CC2D1B: variants seen among roughly 807,000 people sequenced by gnomAD.
The protein encoded by CC2D1B is coiled-coil and C2 domain containing 1B.
Under a neutral mutation model 110.8 loss-of-function variants are expected in CC2D1B, and 92 were observed. The ratio of observed to expected loss-of-function variants is 0.83; its 90% confidence interval spans 0.70 to 0.99. The LOEUF is 0.99. Among genes scored for constraint, CC2D1B ranks in the 50% least tolerant of loss-of-function variants. CC2D1B has a pLI of 0.00. For synonymous variants in CC2D1B, 406 were observed against 429.2 expected, an observed-to-expected ratio of 0.95 and a Z score of 0.67; for missense variants, 1,136 against 1,089.0, an observed-to-expected ratio of 1.04 and a Z score of -0.61.
intron 23 of CC2D1B, chr1:52,354,405 T>G: frequency 1.4e-6 from 1 of 702,358 alleles, no homozygotes; most frequent in Non-Finnish European, 2.6e-6. Flanking sequence ...GGAGGCTGCC[T>G]TCTCCTGGGT....
At chr1:52,361,943 A>G (rs1459377188) in intron 3 of CC2D1B, among the ~76,000 whole-genome samples, 3 of 152,262 alleles carry the variant, frequency 2.0e-5, no homozygotes, top group Non-Finnish European at 4.4e-5. Context: ...AGAGCTTCAA[A>G]ACAAATCTGC....
intron 20 of CC2D1B, 48 bp downstream of exon 20, chr1:52,355,560 G>A: frequency 1.2e-6 from 2 of 1,610,716 alleles, no homozygotes; most frequent in African/African-American, 1.3e-5. Flanking sequence ...ACAGGGTCCT[G>A]GAATGCAAGG....
chr1:52,356,762 T>C, intron 16 of CC2D1B: 1 of 598,234 alleles, frequency 1.7e-6, no homozygotes, highest in South Asian at 2.1e-5. Context: ...TACACGCACA[T>C]CACAATGTTC....
rs570980995 is a variant in CC2D1B, at chr1:52,357,844, G to C, written c.1516C>G (p.Pro506Ala). 7.5e-6 allele frequency: 12 copies of C among 1,592,334 alleles called. No homozygotes were observed. The highest frequency in any genetic ancestry group is 1.0e-5 in the Non-Finnish European group (12 of 1,170,370). ...VAKKPARPTV[P>A]SSQRLPEPRA... ...GGCTCAGGCAGGCGCTGGGATGAAGGGACTGTGGGCCGTGCAGGTTTCTTG... is the reference window on the plus strand; with the variant it reads ...GGCTCAGGCAGGCGCTGGGATGAAGCGACTGTGGGCCGTGCAGGTTTCTTG... The change falls in exon 14 of 25, where the codon CCT becomes GCT. Residue 506 changes from proline to alanine, a missense_variant. Transcript: ENST00000284376.
intron 4 of CC2D1B, 82 bp from the exon 5 acceptor site, chr1:52,361,214 C>G (rs377168124): frequency 1.3e-6 from 2 of 1,526,866 alleles, no homozygotes; most frequent in East Asian, 2.3e-5. Context: ...AGGACCCTCT[C>G]TCTCAGCAAT....
rs114276825 is a variant in CC2D1B, at chr1:52,353,132, C to G, written c.*93G>C. 2,038 of 1,242,720 alleles carry G rather than the reference C, an allele frequency of 1.6e-3. 26 individuals are homozygous for G. In the African/African-American group the frequency reaches 0.029, roughly 18 times the overall value. 77.0% of individuals were successfully genotyped at this position (1,242,720 alleles called of 1,614,324 possible). On this transcript the variant is annotated 3_prime_UTR_variant, in exon 25 of 25. Coordinates refer to ENST00000284376, the MANE Select transcript of CC2D1B (RefSeq NM_001330585.2). ...CTTTGGTGCTTGGGTAGCAGCATCT[C>G]TTATGTACAAAGGCTTCTGAAGCCA...
In CC2D1B at chr1:52,352,166, AAG is replaced by A. The variant is rs1484431175; in HGVS notation, c.*1057_*1058del. The A allele has an allele frequency of 1.3e-5, 2 of 152,192 alleles. No homozygotes were observed. Among genetic ancestry groups the A allele is most frequent in the Non-Finnish European group, 2.9e-5 (2 of 68,050 alleles). 9.4% of individuals were successfully genotyped at this position (152,192 alleles called of 1,614,324 possible). A position where few individuals can be genotyped will look rare whatever the true frequency, so the allele number is the denominator to read the frequency against. ...GTTGATCTTGAATTAATAATTCAAA[AAG>A]GGGGTGGGGGAAGATGGGGTATTTC... On this transcript the variant is annotated 3_prime_UTR_variant, in exon 25 of 25. Transcript: ENST00000284376.
chr1:52,355,069 GGTGGTAGAGCATCGCGGTCCT>G, intron 21 of CC2D1B, 130 bp from the exon 22 acceptor site: 1 of 751,072 alleles, frequency 1.3e-6, no homozygotes. Context: ...GCCTCCAAAG[GGTGGTAGAGCATCGCGGTCCT>G]GGCCTTGGAA....
Position 52,357,130 on chromosome 1 carries a change from C to T in CC2D1B, c.1753-4G>A. The T allele has an allele frequency of 1.2e-6, 2 of 1,613,934 alleles. No homozygotes were observed. Among genetic ancestry groups the T allele is most frequent in the Non-Finnish European group, 1.7e-6 (2 of 1,179,930 alleles). Reference sequence around the variant, plus strand: ...CATCCGTCAAGGGCGAAGGCACCTACCCAGGTCACAAGGCCCCTCGGGCCC... The same window carrying T: ...CATCCGTCAAGGGCGAAGGCACCTATCCAGGTCACAAGGCCCCTCGGGCCC... On this transcript the variant is annotated splice_region_variant and splice_polypyrimidine_tract_variant and intron_variant, in intron 15 of 24. Coordinates refer to ENST00000284376, the MANE Select transcript of CC2D1B (RefSeq NM_001330585.2).
At chr1:52,356,718 C>T (rs1646660632) in intron 16 of CC2D1B, 2 of 600,454 alleles carry the variant, frequency 3.3e-6, no homozygotes, top group South Asian at 4.2e-5. Context: ...CTTTCCAGAA[C>T]AGGTGGCAGT....
chr1:52,354,223 G>C, intron 23 of CC2D1B: 1 of 386,484 alleles, frequency 2.6e-6, no homozygotes, highest in Non-Finnish European at 5.0e-6. Context: ...GCTACAGTGG[G>C]AAGAGCCCCA....
In CC2D1B at chr1:52,354,631, A is replaced by G. The variant is rs201834369; in HGVS notation, c.2407T>C (p.Cys803Arg). The G allele has an allele frequency of 3.8e-5, 61 of 1,614,004 alleles. No individual in the cohort carries two copies. In the East Asian group the frequency reaches 1.3e-3, roughly 35 times the overall value. The change falls in exon 23 of 25, where the codon TGT becomes CGT. Residue 803 changes from cysteine (C) to arginine (R), a missense_variant. Cys to Arg is a radical substitution (Grantham distance 180). Transcript: ENST00000284376. ...ACCTCCACAATTTCTCTGATCTCAC[A>G]CTCATTCTCCAGCCGCTCCAGTTTC... Reference protein sequence around the residue: ...HLKLERLENECEIREIVEVLD... With the variant: ...HLKLERLENEREIREIVEVLD...
chr1:52,364,506 C>A (rs780299548), intron 2 of CC2D1B, 46 bp downstream of exon 2: 2 of 1,386,344 alleles, frequency 1.4e-6, no homozygotes, highest in Non-Finnish European at 1.0e-6. Flanking sequence ...TCTAGGGACC[C>A]CCATCCCCAA....
rs1300218181 is a variant in CC2D1B, at chr1:52,354,902, G to C, written c.2277C>G (p.Asn759Lys). 4 of 1,614,068 alleles carry C rather than the reference G, an allele frequency of 2.5e-6. No individual in the cohort carries two copies. Among genetic ancestry groups the C allele is most frequent in the Non-Finnish European group, 3.4e-6 (4 of 1,180,026 alleles). The change falls in exon 22 of 25, where the codon AAC becomes AAG. Residue 759 changes from asparagine (N) to lysine (K), a missense_variant. Asn to Lys is a moderately conservative substitution (Grantham distance 94). Transcript: ENST00000284376. ...GGATCACCCTCTTGAAGCCCCGGTG[G>C]TTTCGGTTGATGTTTAGTTTGAAGA... ...DQLFKLNINR[N>K]HRGFKRVIQS...
chr1:52,354,835 C>T lies in CC2D1B; in HGVS notation c.2339+5G>A, dbSNP rs751002979. ...GTGTGGCAGCATGACCGATAGGAGC[C>T]TCACCCTTTGTGGAAGATCTCAAAC... On this transcript the variant is annotated splice_donor_5th_base_variant and intron_variant, in intron 22 of 24. Transcript: ENST00000284376. The T allele has an allele frequency of 1.9e-6, 3 of 1,613,690 alleles. No homozygotes were observed. Among genetic ancestry groups the T allele is most frequent in the Non-Finnish European group, 2.5e-6 (3 of 1,179,652 alleles).
chr1:52,355,657 G>A lies in CC2D1B; in HGVS notation c.2138C>T (p.Pro713Leu). Residue 713 changes from proline to leucine, a missense_variant, in exon 20 of 25, where the codon CCC becomes CTC. Physicochemically the swap from Pro to Leu is moderately conservative, Grantham distance 98. Transcript: ENST00000284376. ...CCGCACAAAAGCATCCAGGTCATCG[G>A]GAGTCACCCCTGGGAAGGAGAAAAG... ...MNLPAPPGVT[P>L]DDLDAFVRFE... is the part of the protein sequence containing the mutation. The A allele has an allele frequency of 6.2e-7, 1 of 1,614,170 alleles. No homozygotes were observed. The highest frequency in any genetic ancestry group is 8.5e-7 in the Non-Finnish European group (1 of 1,180,032).
At position 52,358,761 on chromosome 1, in the gene CC2D1B, G is replaced by T. The variant is rs1244281441; in HGVS notation, c.1258-3C>A. 4 of 1,608,250 alleles carry T rather than the reference G, an allele frequency of 2.5e-6. No individual in the cohort carries two copies. Among genetic ancestry groups the T allele is most frequent in the Non-Finnish European group, 3.4e-6 (4 of 1,178,412 alleles). ...GCTCGAATAGCATCTTGATATTGCT[G>T]CAAGGGAAGGAAGGGAGGGGCCTGT... On this transcript the variant is annotated splice_region_variant and splice_polypyrimidine_tract_variant and intron_variant, in intron 11 of 24. Coordinates refer to ENST00000284376, the MANE Select transcript of CC2D1B (RefSeq NM_001330585.2).
intron 19 of CC2D1B, 52 bp downstream of exon 19, chr1:52,355,719 C>T: frequency 1.2e-6 from 2 of 1,613,760 alleles, no homozygotes; most frequent in Non-Finnish European, 1.7e-6. Context: ...GAGCCTAGCA[C>T]TTGGAGTGTC....
chr1:52,363,289 G>A (rs1646820833), intron 2 of CC2D1B, among the ~76,000 whole-genome samples: 1 of 151,936 alleles, frequency 6.6e-6, no homozygotes, highest in Admixed American at 6.5e-5. Flanking sequence ...CAGCTACTCG[G>A]GAGGCTGAGG....
Sources: allele counts gnomAD v4.1 joint callset (sites outside exome capture counted in the v4.1 genomes callset), GRCh38; gene constraint gnomAD v4.1.1; transcripts MANE v1.5; gene names NCBI Gene and HGNC (gene_info 2026-07-23, HGNC 2026-07-21).